The following GABRG3 variants were observed in gnomAD, a reference collection of about 807,000 sequenced individuals.
GABRG3 encodes the protein gamma-aminobutyric acid type A receptor subunit gamma3.
A neutral mutation model predicts 48.8 loss-of-function variants in GABRG3; 25 were observed. The ratio of observed to expected loss-of-function variants is 0.51; its 90% CI spans 0.37 to 0.72. The LOEUF is 0.72. GABRG3 is among the 30% of genes least tolerant of loss of function. GABRG3 has a pLI of 0.00. For missense variants in GABRG3, 394 were observed against 577.9 expected, an observed-to-expected ratio of 0.68 and a Z score of 3.26; for synonymous variants, 227 against 217.6, an observed-to-expected ratio of 1.04 and a Z score of -0.38.
intron 5 of GABRG3, among the ~76,000 whole-genome samples, chr15:27,430,680 G>A (rs1888422166): frequency 6.6e-6 from 1 of 151,968 alleles, no homozygotes; most frequent in African/African-American, 2.4e-5. Context: ...TAGTTGTCTT[G>A]GCACCCTTGT....
chr15:27,413,862 C>G (rs1324764086), intron 5 of GABRG3, among the ~76,000 whole-genome samples: 1 of 152,126 alleles, frequency 6.6e-6, no homozygotes, highest in Non-Finnish European at 1.5e-5. Context: ...TCCTATTTTT[C>G]TCTCAAATAT....
chr15:27,339,328 C>T (rs1035524961), intron 5 of GABRG3, among the ~76,000 whole-genome samples: 8 of 152,244 alleles, frequency 5.3e-5, no homozygotes, highest in African/African-American at 7.2e-5. Context: ...GGGAGCTCTG[C>T]GGCATGTCCA....
chr15:27,417,348 G>A (rs1307115815), intron 5 of GABRG3, among the ~76,000 whole-genome samples: 1 of 152,170 alleles, frequency 6.6e-6, no homozygotes, highest in African/African-American at 2.4e-5. Context: ...TCTTAAAATA[G>A]ACAGTATCTG....
chr15:27,308,541 TATAATGTAAACATACATGTTTATATAAAC>T (rs1566774514), intron 3 of GABRG3, among the ~76,000 whole-genome samples: 23 of 148,304 alleles, frequency 1.6e-4, no homozygotes, highest in East Asian at 4.2e-4. Flanking sequence ...TATAAACATA[TATAATGTAAACATACATGTTTATATAAAC>T]ATAATGTAAA....
intron 5 of GABRG3, among the ~76,000 whole-genome samples, chr15:27,387,346 A>G (rs577887197): frequency 6.6e-6 from 1 of 152,208 alleles, no homozygotes; most frequent in South Asian, 2.1e-4. Flanking sequence ...CTATTGTTTT[A>G]GCAAGAAATA....
intron 5 of GABRG3, among the ~76,000 whole-genome samples, chr15:27,380,272 A>C (rs566447996): frequency 6.6e-6 from 1 of 152,054 alleles, no homozygotes; most frequent in African/African-American, 2.4e-5. Context: ...TGCATTATCC[A>C]TCTGTTTTTA....
chr15:27,314,277 A>G (rs1893136875), intron 3 of GABRG3, among the ~76,000 whole-genome samples: 1 of 152,192 alleles, frequency 6.6e-6, no homozygotes, highest in South Asian at 2.1e-4. Flanking sequence ...GTCTCCCAAG[A>G]AGACATACAC....
intron 9 of GABRG3, among the ~76,000 whole-genome samples, chr15:27,532,136 A>G (rs2150866720): frequency 6.6e-6 from 1 of 152,312 alleles, no homozygotes; most frequent in South Asian, 2.1e-4. Flanking sequence ...ATATGTCCAT[A>G]CTTACTACAA....
chr15:27,177,344 T>C (rs1163479594), intron 3 of GABRG3, among the ~76,000 whole-genome samples: 3 of 152,224 alleles, frequency 2.0e-5, no homozygotes, highest in African/African-American at 7.2e-5. Flanking sequence ...CTGGGGCAGC[T>C]AAAAATCTTG....
chr15:27,408,432 C>T (rs547099297), intron 5 of GABRG3, among the ~76,000 whole-genome samples: 128 of 152,284 alleles, frequency 8.4e-4, no homozygotes, highest in Non-Finnish European at 1.7e-3. Flanking sequence ...CAACCAGAAA[C>T]CAGGTCTCAA....
chr15:27,049,496 C>T (rs1382571468), intron 3 of GABRG3, among the ~76,000 whole-genome samples: 9 of 152,270 alleles, frequency 5.9e-5, no homozygotes, highest in African/African-American at 2.2e-4. Flanking sequence ...CAATCACTCC[C>T]CTGAGCTGAG....
chr15:27,125,174 C>T (rs948786291), intron 3 of GABRG3, among the ~76,000 whole-genome samples: 1 of 152,084 alleles, frequency 6.6e-6, no homozygotes, highest in South Asian at 2.1e-4. Context: ...TGAAATGTAT[C>T]GCTGTTTTTT....
rs373827203 is a variant in GABRG3, at chr15:27,313,368, A to G, written c.271-13441A>G. On this transcript the variant is annotated intron_variant, in intron 3 of 9. Transcript: ENST00000615808. ...AACATTGATGGAACTGAAGGAAGAC[A>G]CCGATAGAAATACATAGTAGTAGGA... is the stretch of plus-strand genomic sequence containing the variant. Among the ~76,000 whole-genome samples the G allele has an allele frequency of 3.5e-5, 5 of 143,820 alleles. No individual in the cohort carries two copies. The East Asian group carries it at 6.3e-4, about 18-fold the overall frequency. 94.4% of individuals were successfully genotyped at this position (143,820 alleles called of 152,430 possible). A position where few individuals can be genotyped will look rare whatever the true frequency, so the allele number is the denominator to read the frequency against.
At chr15:27,274,171 T>C (rs1220506356) in intron 3 of GABRG3, among the ~76,000 whole-genome samples, 1 of 151,838 alleles carries the variant, frequency 6.6e-6, no homozygotes, top group East Asian at 1.9e-4. Context: ...AAGGACAGAG[T>C]AGTGACTGGA....
chr15:27,243,088 GTTACAGAC>G (rs1236904820), intron 3 of GABRG3, among the ~76,000 whole-genome samples: 1 of 152,144 alleles, frequency 6.6e-6, no homozygotes, highest in Non-Finnish European at 1.5e-5. Flanking sequence ...TCTGATAGGA[GTTACAGAC>G]TTCAGTAGCC....
chr15:27,431,001 A>C (rs931007460), intron 5 of GABRG3, among the ~76,000 whole-genome samples: 12 of 136,188 alleles, frequency 8.8e-5, no homozygotes, highest in African/African-American at 3.5e-4. Flanking sequence ...ATAAATAAAT[A>C]AATAAATAAA....
rs1031309633 is a variant in GABRG3 at position 27,539,678 on chromosome 15, ACT to A, written c.*6801_*6802del. The A allele has an allele frequency of 6.6e-6, 1 of 151,850 alleles. No individual in the cohort carries two copies. The highest frequency in any genetic ancestry group is 2.4e-5 in the African/African-American group (1 of 41,324). The allele number at this position is 151,850 out of a possible 1,614,324, so 9.4% of individuals were successfully genotyped here. On this transcript the variant is annotated 3_prime_UTR_variant, in exon 10 of 10. Transcript: ENST00000615808. ...CACTGCACAGAGCAGCACTTCTGTC[ACT>A]CTCATGGGGAGATCAGGGTACCCAC...
intron 2 of GABRG3, among the ~76,000 whole-genome samples, chr15:26,984,583 T>G (rs1305962924): frequency 6.6e-6 from 1 of 152,222 alleles, no homozygotes; most frequent in Non-Finnish European, 1.5e-5. Context: ...AAGTAATGCT[T>G]CAGCCCTGTC....
intron 3 of GABRG3, among the ~76,000 whole-genome samples, chr15:27,178,508 C>T (rs1235243623): frequency 3.9e-5 from 6 of 152,158 alleles, no homozygotes; most frequent in Admixed American, 3.9e-4. Context: ...TTCTCTTTGG[C>T]TCTCCGAAGG....
Sources: allele counts gnomAD v4.1 joint callset (sites outside exome capture counted in the v4.1 genomes callset), GRCh38; gene constraint gnomAD v4.1.1; transcripts MANE v1.5; gene names NCBI Gene and HGNC (gene_info 2026-07-23, HGNC 2026-07-21).